Variants in ANXA8 observed in about 807,000 individuals in gnomAD.
The protein encoded by ANXA8 is annexin A8, also known as VAC-beta.
A neutral mutation model predicts 26.8 loss-of-function variants in ANXA8; 9 were observed. The ratio of observed to expected loss-of-function variants is 0.34; its 90% CI spans 0.20 to 0.59. ANXA8 has a LOEUF of 0.59. ANXA8 is among the 20% of genes least tolerant of loss of function. ANXA8 has a pLI of 0.84. For missense variants in ANXA8, 83 were observed against 238.5 expected, an observed-to-expected ratio of 0.35 and a Z score of 4.29; for synonymous variants, 39 against 94.8, an observed-to-expected ratio of 0.41 and a Z score of 3.42.
the ANXA8 span, among the ~76,000 whole-genome samples, chr10:47,777,839 G>A: frequency 1.3e-4 from 20 of 151,928 alleles, no homozygotes; most frequent in South Asian, 1.0e-3. Flanking sequence ...GGCTGGACTC[G>A]TGTGCCTGGG....
At chr10:47,947,813 G>C in the ANXA8 span, among the ~76,000 whole-genome samples, 1 of 150,328 alleles carries the variant, frequency 6.7e-6, no homozygotes, top group African/African-American at 2.5e-5. Flanking sequence ...TGTGAGAACA[G>C]ATTAGTACAA....
At chr10:47,665,110 A>G in the ANXA8 span, among the ~76,000 whole-genome samples, 1 of 149,086 alleles carries the variant, frequency 6.7e-6, no homozygotes. Context: ...TGGCCATAGT[A>G]TTAAGTTTGC....
chr10:47,705,112 T>C, the ANXA8 span, among the ~76,000 whole-genome samples: 2 of 151,960 alleles, frequency 1.3e-5, no homozygotes, highest in East Asian at 1.9e-4. Flanking sequence ...ATGATATTTA[T>C]GTAGAAGAGT....
the ANXA8 span, chr10:47,507,678 G>A: frequency 2.0e-5 from 28 of 1,409,958 alleles, 3 homozygotes; most frequent in African/African-American, 7.8e-5. Flanking sequence ...CTCTCCTAGC[G>A]GCCCTGAAAT....
the ANXA8 span, chr10:47,564,132 G>C: frequency 2.2e-6 from 1 of 454,958 alleles, no homozygotes; most frequent in African/African-American, 2.5e-5. Flanking sequence ...GCACCCCCGA[G>C]GTGAGCGCAA....
chr10:47,750,181 A>T, the ANXA8 span, among the ~76,000 whole-genome samples: 1 of 151,870 alleles, frequency 6.6e-6, no homozygotes, highest in Non-Finnish European at 1.5e-5. Flanking sequence ...GACCAACCTG[A>T]TTAACAAACT....
At chr10:47,529,415 A>G in the ANXA8 span, among the ~76,000 whole-genome samples, 1 of 149,360 alleles carries the variant, frequency 6.7e-6, no homozygotes, top group Non-Finnish European at 1.5e-5. Flanking sequence ...GTGATTTTTC[A>G]TGGGAGTTTT....
chr10:47,938,660 G>A, the ANXA8 span, among the ~76,000 whole-genome samples: 1 of 144,130 alleles, frequency 6.9e-6, no homozygotes, highest in Non-Finnish European at 1.5e-5. Flanking sequence ...GTCTCCCAGT[G>A]TCAGGCTTGG....
chr10:47,694,490 T>G, the ANXA8 span, among the ~76,000 whole-genome samples: 51 of 149,416 alleles, frequency 3.4e-4, no homozygotes, highest in East Asian at 8.0e-4. Flanking sequence ...GCGTGATCTC[T>G]GCTCACTGCA....
At chr10:47,973,975 A>C in the ANXA8 span, among the ~76,000 whole-genome samples, 1 of 150,932 alleles carries the variant, frequency 6.6e-6, no homozygotes. Context: ...TCAGGGTATC[A>C]GTCTCTTCCT....
At chr10:47,484,459 G>A (rs2132441987), upstream of ANXA8, 6 of 1,102,414 alleles carry the variant, frequency 5.4e-6, no homozygotes, top group South Asian at 8.5e-5. Context: ...TTTTTTTCCG[G>A]GGGCAAGGGG....
the ANXA8 span, among the ~76,000 whole-genome samples, chr10:47,664,900 AT>A: frequency 7.0e-6 from 1 of 141,854 alleles, no homozygotes; most frequent in Non-Finnish European, 1.5e-5. Context: ...TAATTTTTAA[AT>A]TTTTTTGTAG....
chr10:47,938,836 A>G, the ANXA8 span, among the ~76,000 whole-genome samples: 279 of 148,284 alleles, frequency 1.9e-3, no homozygotes, highest in African/African-American at 6.8e-3. Flanking sequence ...AGTTTATCCC[A>G]TAAGTAATGA....
the ANXA8 span, among the ~76,000 whole-genome samples, chr10:47,572,750 G>A: frequency 6.9e-5 from 10 of 145,838 alleles, no homozygotes; most frequent in East Asian, 4.0e-4. Flanking sequence ...AAAGAAGAAC[G>A]TATCTGTTAT....
chr10:47,560,810 T>C, the ANXA8 span, among the ~76,000 whole-genome samples: 1 of 152,016 alleles, frequency 6.6e-6, no homozygotes, highest in Non-Finnish European at 1.5e-5. Flanking sequence ...CATTTTAGTG[T>C]TAAAACAATT....
the ANXA8 span, among the ~76,000 whole-genome samples, chr10:47,622,430 G>C: frequency 9.8e-6 from 1 of 102,074 alleles, no homozygotes. Flanking sequence ...TCTGAAATCT[G>C]AGTATTTTAA....
the ANXA8 span, among the ~76,000 whole-genome samples, chr10:47,744,423 T>TGGGGGGGGAGGGGGGAAGGGGGGGGG: frequency 3.1e-4 from 2 of 6,440 alleles, no homozygotes; most frequent in African/African-American, 6.3e-4. Context: ...GGGGGGGGGT[T>TGGGGGGGGAGGGGGGAAGGGGGGGGG]GGGGGGGAGG....
the ANXA8 span, among the ~76,000 whole-genome samples, chr10:47,675,980 A>G: frequency 2.6e-5 from 4 of 151,634 alleles, no homozygotes; most frequent in Non-Finnish European, 5.9e-5. Context: ...ACCAGGGAAA[A>G]CAAAAAAAGG....
At chr10:47,587,262 CA>C in the ANXA8 span, among the ~76,000 whole-genome samples, 1 of 148,738 alleles carries the variant, frequency 6.7e-6, no homozygotes, top group Non-Finnish European at 1.5e-5. Flanking sequence ...AGAGTTATTC[CA>C]TTGTGTGTTT....
Sources: allele counts gnomAD v4.1 joint callset (sites outside exome capture counted in the v4.1 genomes callset), GRCh38; gene constraint gnomAD v4.1.1; transcripts MANE v1.5; gene names NCBI Gene and HGNC (gene_info 2026-07-23, HGNC 2026-07-21).